Variants in CALR3 observed in about 807,000 individuals in gnomAD.
CALR3 encodes the protein calreticulin-3.
A neutral mutation model predicts 48.7 loss-of-function variants in CALR3; 39 were observed. The observed-to-expected ratio is 0.80, with a 90% confidence interval of 0.62 to 1.05. CALR3 has a LOEUF of 1.05. Among genes scored for constraint, CALR3 ranks in the 50% least tolerant of loss-of-function variants. CALR3 has a pLI of 0.00. For synonymous variants in CALR3, 185 were observed against 172.7 expected, an observed-to-expected ratio of 1.07 and a Z score of -0.56; for missense variants, 449 against 474.7, an observed-to-expected ratio of 0.95 and a Z score of 0.50.
At position 16,495,227 on chromosome 19, in the gene CALR3, CAA is replaced by C. The variant is rs548752979; in HGVS notation, c.193+522_193+523del. Among the ~76,000 whole-genome samples, 98 of 123,106 alleles carry C rather than the reference CAA, an allele frequency of 8.0e-4. 1 individual carries two copies. The highest frequency in any genetic ancestry group is 1.6e-3 in the African/African-American group (49 of 30,814). 80.8% of individuals were successfully genotyped at this position (123,106 alleles called of 152,430 possible). ...GGCGACAGAGCGAGACTCCTACTAC[CAA>C]AAAAAAAAAAAAAAAAAAAAAGGAA... On this transcript the variant is annotated intron_variant, in intron 2 of 8. Transcript: ENST00000269881.
intron 7 of CALR3, 98 bp from the exon 8 acceptor site, chr19:16,480,804 G>A: frequency 2.1e-6 from 2 of 964,696 alleles, no homozygotes; most frequent in Non-Finnish European, 3.2e-6. Flanking sequence ...TGAAGCTCAG[G>A]TGACATTTTT....
intron 5 of CALR3, among the ~76,000 whole-genome samples, 195 bp from the exon 6 acceptor site, chr19:16,482,980 G>C (rs2093383485): frequency 6.6e-6 from 1 of 151,856 alleles, no homozygotes; most frequent in Non-Finnish European, 1.5e-5. Context: ...AAGTAGCTCG[G>C]ACTACAGGCG....
In CALR3 at chr19:16,490,571, C is replaced by A. The variant is rs2093396353; in HGVS notation, c.194-1G>T. The A allele has an allele frequency of 1.2e-6, 2 of 1,613,756 alleles. No individual in the cohort carries two copies. The highest frequency in any genetic ancestry group is 1.7e-5 in the Admixed American group (1 of 59,958). Reference sequence around the variant, plus strand: ...CGGCCATTCTGAGTGGTTTGCAGACCTTTGAACAAAATATACTCATGAAGG... The same window carrying A: ...CGGCCATTCTGAGTGGTTTGCAGACATTTGAACAAAATATACTCATGAAGG... On this transcript the variant is annotated splice_acceptor_variant, in intron 2 of 8. Transcript: ENST00000269881. LOFTEE classifies it high-confidence loss of function.
At chr19:16,482,020 C>T (rs898788937) in intron 7 of CALR3, among the ~76,000 whole-genome samples, 19 of 150,368 alleles carry the variant, frequency 1.3e-4, no homozygotes, top group African/African-American at 4.6e-4. Flanking sequence ...CATTCTCCTG[C>T]CTCAGCGTCC....
chr19:16,491,986 G>C (rs2093398847), intron 2 of CALR3, among the ~76,000 whole-genome samples: 1 of 151,676 alleles, frequency 6.6e-6, no homozygotes. Flanking sequence ...GCGACACCAT[G>C]CCTGGCTAAT....
Position 16,495,702 on chromosome 19 carries a change from C to G in CALR3, c.193+49G>C, listed in dbSNP as rs376548946. 34 of 1,402,740 alleles carry G rather than the reference C, an allele frequency of 2.4e-5. No homozygotes were observed. In the African/African-American group the frequency reaches 4.1e-4, roughly 17 times the overall value. 86.9% of individuals were successfully genotyped at this position (1,402,740 alleles called of 1,614,324 possible). A position where few individuals can be genotyped will look rare whatever the true frequency, so the allele number is the denominator to read the frequency against. ...GTGCCACAACTACCTAGAGAGGTTG[C>G]TATGGAAATGTAACATTAGGCTCAA... On this transcript the variant is annotated intron_variant, in intron 2 of 8. Transcript: ENST00000269881.
intron 8 of CALR3, among the ~76,000 whole-genome samples, chr19:16,479,481 G>A (rs1022973425): frequency 4.6e-5 from 7 of 151,232 alleles, no homozygotes; most frequent in African/African-American, 9.7e-5. Flanking sequence ...CCAGCTACTC[G>A]GGAGGCTGAG....
rs1280202636 is a variant in CALR3, at chr19:16,490,476, T to C, written c.288A>G (p.Thr96=). ...AGTCCATCTTCTGCTCATGTTTTAC[T>C]GTGTACTGAATAACCAGAGTTTTCC... ...NKGKTLVIQY[T]VKHEQKMDCG... The change falls in exon 3 of 9, where the codon ACA becomes ACG. Residue 96 remains threonine (T), a synonymous_variant. Coordinates refer to ENST00000269881, the MANE Select transcript of CALR3 (RefSeq NM_145046.5). 6.2e-7 allele frequency: 1 copy of C among 1,614,200 alleles called. No individual in the cohort carries two copies. Among genetic ancestry groups the C allele is most frequent in the South Asian group, 1.1e-5 (1 of 91,088 alleles).
intron 7 of CALR3, among the ~76,000 whole-genome samples, chr19:16,482,207 C>T (rs1451818890): frequency 1.3e-5 from 2 of 151,728 alleles, no homozygotes; most frequent in African/African-American, 4.8e-5. Context: ...CGCGCACAGC[C>T]TAGACTCCCA....
At chr19:16,485,845 G>T (rs12609812) in intron 3 of CALR3, among the ~76,000 whole-genome samples, 95,052 of 143,442 alleles carry the variant, frequency 0.66, 30,502 homozygotes, top group South Asian at 0.77. Flanking sequence ...TTTTAGTAGA[G>T]ACAGGTTTTG....
chr19:16,494,610 T>G (rs889215190), intron 2 of CALR3, among the ~76,000 whole-genome samples: 1 of 149,044 alleles, frequency 6.7e-6, no homozygotes, highest in African/African-American at 2.5e-5. Flanking sequence ...TCCGCTCGCC[T>G]AAGGCCTCCC....
At chr19:16,487,673 C>A (rs2093391290) in intron 3 of CALR3, among the ~76,000 whole-genome samples, 1 of 151,634 alleles carries the variant, frequency 6.6e-6, no homozygotes, top group Non-Finnish European at 1.5e-5. Context: ...TTTTTGCTCT[C>A]ATTGCCCAGG....
At position 16,480,567 on chromosome 19, in the gene CALR3, C is replaced by T. The variant is rs779233114; in HGVS notation, c.1011+47G>A. The T allele has an allele frequency of 8.7e-6, 12 of 1,381,218 alleles. 1 individual carries two copies. The highest frequency in any genetic ancestry group is 3.6e-4 in the Middle Eastern group (2 of 5,556). 85.6% of individuals were successfully genotyped at this position (1,381,218 alleles called of 1,614,324 possible). On this transcript the variant is annotated intron_variant, in intron 8 of 8. Coordinates refer to ENST00000269881, the MANE Select transcript of CALR3 (RefSeq NM_145046.5). ...ACTCCATCTAAAAAAAAAAAATTTA[C>T]ACAAATGAAATAGTGATGTAGGAAG... is the stretch of plus-strand genomic sequence containing the variant.
intron 3 of CALR3, among the ~76,000 whole-genome samples, chr19:16,485,978 A>G (rs769275736): frequency 2.0e-4 from 30 of 152,026 alleles, no homozygotes; most frequent in Non-Finnish European, 3.4e-4. Context: ...ATATCTTATT[A>G]TTGTTGTTAA....
In CALR3 at chr19:16,479,064, G is replaced by C; in HGVS notation, c.*67C>G. 6.3e-7 allele frequency: 1 copy of C among 1,589,676 alleles called. No homozygotes were observed. Among genetic ancestry groups the C allele is most frequent in the East Asian group, 2.2e-5 (1 of 44,714 alleles). ...TGGACAAAGTGCCATGTAGACATTT[G>C]AGTTTGAAACATAGATTAAAGTAGC... is the stretch of plus-strand genomic sequence containing the variant. On this transcript the variant is annotated 3_prime_UTR_variant, in exon 9 of 9. Coordinates refer to ENST00000269881, the MANE Select transcript of CALR3 (RefSeq NM_145046.5).
intron 2 of CALR3, 38 bp from the exon 3 acceptor site, chr19:16,490,608 C>T (rs1417025906): frequency 5.8e-6 from 9 of 1,562,988 alleles, no homozygotes; most frequent in Admixed American, 1.7e-5. Context: ...TCAGGAATGA[C>T]GCTGCGCTAA....
intron 7 of CALR3, among the ~76,000 whole-genome samples, chr19:16,481,158 A>G (rs1032842390): frequency 4.1e-5 from 6 of 146,382 alleles, no homozygotes; most frequent in African/African-American, 7.4e-5. Flanking sequence ...AGTCTCAAAG[A>G]AAAAAAAAAA....
intron 2 of CALR3, among the ~76,000 whole-genome samples, chr19:16,492,606 C>T (rs909391736): frequency 3.3e-5 from 5 of 152,040 alleles, no homozygotes; most frequent in African/African-American, 1.2e-4. Context: ...TGGCTCATGC[C>T]TGTAATCCCA....
chr19:16,483,982 G>T lies in CALR3; in HGVS notation c.626C>A (p.Thr209Lys), dbSNP rs746871999. The T allele has an allele frequency of 6.8e-6, 11 of 1,613,852 alleles. No homozygotes were observed. The African/African-American group carries it at 1.2e-4, about 18-fold the overall frequency. ...CCAATCCTTCGATTCTGCCGGGGAC[G>T]TTTCCTTCTTGAGTGATGTTAAGTT... ...DWNLTSLKKE[T>K]SPAESKDWEQ... The change falls in exon 5 of 9, where the codon ACG (threonine) becomes AAG (lysine). Residue 209 changes from threonine (T) to lysine (K), a missense_variant. Thr to Lys is a moderately conservative substitution (Grantham distance 78). Coordinates refer to ENST00000269881, the MANE Select transcript of CALR3 (RefSeq NM_145046.5).
Sources: allele counts gnomAD v4.1 joint callset (sites outside exome capture counted in the v4.1 genomes callset), GRCh38; gene constraint gnomAD v4.1.1; transcripts MANE v1.5; gene names NCBI Gene and HGNC (gene_info 2026-07-23, HGNC 2026-07-21).